Variants in GPATCH2 observed in about 807,000 individuals in gnomAD.
GPATCH2 encodes the protein G-patch domain containing 2, also known as G patch domain-containing protein 2.
GPATCH2 carries 51 observed loss-of-function variants against 58.0 expected under a neutral mutation model. That is an observed-to-expected ratio of 0.88 (90% CI 0.70 to 1.11). GPATCH2 has a LOEUF of 1.11. Ranked by LOEUF, GPATCH2 falls within the 50% of genes most tolerant of loss-of-function variation. The probability of loss-of-function intolerance (pLI) is 0.00; values close to 1 mark genes in which losing one functional copy is unlikely to be tolerated. For missense variants in GPATCH2, 625 were observed against 652.2 expected (o/e 0.96, Z 0.45); for synonymous variants, 222 against 218.5 (o/e 1.02, Z -0.14).
intron 5 of GPATCH2, among the ~76,000 whole-genome samples, chr1:217,519,699 G>A (rs1269018764): frequency 6.6e-6 from 1 of 152,106 alleles, no homozygotes; most frequent in Admixed American, 6.5e-5. Context: ...TGCATGCAAG[G>A]CTTTCCCTAA....
intron 5 of GPATCH2, among the ~76,000 whole-genome samples, chr1:217,530,664 T>C (rs1664141849): frequency 6.6e-6 from 1 of 152,180 alleles, no homozygotes; most frequent in African/African-American, 2.4e-5. Flanking sequence ...ATAATTTTTT[T>C]CTCGTGATTG....
chr1:217,631,019 C>G lies in GPATCH2; in HGVS notation c.-48G>C. The G allele has an allele frequency of 1.3e-6, 2 of 1,527,746 alleles. No individual in the cohort carries two copies. The highest frequency in any genetic ancestry group is 1.8e-6 in the Non-Finnish European group (2 of 1,129,574). The allele number at this position is 1,527,746 out of a possible 1,614,324, so 94.6% of individuals were successfully genotyped here. ...CTCGAAGCTCAGGCCCGTGAACAGA[C>G]TCCAACTACAACAGCACCGGCGACT... On this transcript the variant is annotated 5_prime_UTR_variant, in exon 1 of 10. Coordinates refer to ENST00000366935, the MANE Select transcript of GPATCH2 (RefSeq NM_018040.5).
chr1:217,561,852 G>A (rs541179771), intron 5 of GPATCH2, among the ~76,000 whole-genome samples: 3 of 152,122 alleles, frequency 2.0e-5, no homozygotes, highest in Admixed American at 6.5e-5. Flanking sequence ...GCTTCTGAAC[G>A]GACCCAAAGG....
At chr1:217,558,243 T>C (rs1162260458) in intron 5 of GPATCH2, among the ~76,000 whole-genome samples, 5 of 152,192 alleles carry the variant, frequency 3.3e-5, no homozygotes, top group Non-Finnish European at 7.3e-5. Context: ...ATAACCACTG[T>C]CCTGAAGGGT....
At chr1:217,562,892 T>C (rs1015278494) in intron 5 of GPATCH2, among the ~76,000 whole-genome samples, 3 of 152,254 alleles carry the variant, frequency 2.0e-5, no homozygotes, top group Non-Finnish European at 4.4e-5. Flanking sequence ...TACTCTTTTC[T>C]AGTAGTAAAC....
chr1:217,451,002 A>C (rs1659641306), intron 8 of GPATCH2, among the ~76,000 whole-genome samples: 1 of 152,170 alleles, frequency 6.6e-6, no homozygotes, highest in South Asian at 2.1e-4. Flanking sequence ...GAGGGGGAAA[A>C]GAGAAGATGG....
chr1:217,521,202 A>G (rs1025329426), intron 5 of GPATCH2, among the ~76,000 whole-genome samples: 1 of 152,176 alleles, frequency 6.6e-6, no homozygotes, highest in East Asian at 1.9e-4. Context: ...ATGTGCCTAG[A>G]GTGAAGAAAC....
At position 217,547,388 on chromosome 1, in the gene GPATCH2, T is replaced by C. The variant is rs183717913; in HGVS notation, c.1099-32499A>G. Among the ~76,000 whole-genome samples the C allele has an allele frequency of 8.7e-4, 129 of 148,846 alleles. 1 individual carries two copies. Among genetic ancestry groups the C allele is most frequent in the African/African-American group, 3.0e-3 (121 of 40,554 alleles). Reference sequence around the variant, plus strand: ...CAAAAAATAACAGACGCCGGCAAGGTTGTAAAGAAAAAGGAACACTTGTAC... The same window carrying C: ...CAAAAAATAACAGACGCCGGCAAGGCTGTAAAGAAAAAGGAACACTTGTAC... On this transcript the variant is annotated intron_variant, in intron 5 of 9. Transcript: ENST00000366935.
Position 217,619,766 on chromosome 1 carries a change from G to A in GPATCH2, c.773+17C>T, listed in dbSNP as rs1366379020. The A allele has an allele frequency of 2.0e-6, 2 of 1,022,816 alleles. No individual in the cohort carries two copies. The highest frequency in any genetic ancestry group is 2.5e-5 in the Admixed American group (1 of 39,874). The allele number at this position is 1,022,816 out of a possible 1,614,324, so 63.4% of individuals were successfully genotyped here. ...CTGGAGATAAATATTTTTATATTTA[G>A]AGAATATAAAAGTCACCTTTCACTC... On this transcript the variant is annotated intron_variant, in intron 2 of 9. Coordinates refer to ENST00000366935, the MANE Select transcript of GPATCH2 (RefSeq NM_018040.5).
intron 5 of GPATCH2, among the ~76,000 whole-genome samples, chr1:217,565,828 GC>G (rs1666198787): frequency 6.6e-6 from 1 of 152,198 alleles, no homozygotes; most frequent in East Asian, 1.9e-4. Flanking sequence ...TAGGCCAGGC[GC>G]AGTGGCTCAT....
At chr1:217,550,588 G>A (rs751684301) in intron 5 of GPATCH2, among the ~76,000 whole-genome samples, 37 of 151,284 alleles carry the variant, frequency 2.4e-4, no homozygotes, top group Non-Finnish European at 4.7e-4. Context: ...TTACCTAGTT[G>A]GTTTAAAAAA....
chr1:217,431,278 C>T lies in GPATCH2; in HGVS notation c.1454G>A (p.Gly485Asp), dbSNP rs765261606. Residue 485 changes from glycine (G) to aspartate (D), a missense_variant, in exon 10 of 10, where the codon GGC becomes GAC. Coordinates refer to ENST00000366935, the MANE Select transcript of GPATCH2 (RefSeq NM_018040.5). ...GATCCCCTTGCCATCTCGTCCAAGG[C>T]CTGACCCAGGCGTCCAGCCCATATT... is the stretch of plus-strand genomic sequence containing the variant. Reference protein sequence around the residue: ...LQNMGWTPGSGLGRDGKGISE... With the variant: ...LQNMGWTPGSDLGRDGKGISE... The T allele has an allele frequency of 6.2e-7, 1 of 1,606,274 alleles. No homozygotes were observed. The highest frequency in any genetic ancestry group is 8.5e-7 in the Non-Finnish European group (1 of 1,172,802).
intron 8 of GPATCH2, among the ~76,000 whole-genome samples, chr1:217,487,094 T>C (rs574127141): frequency 7.2e-5 from 11 of 152,326 alleles, no homozygotes; most frequent in Admixed American, 5.9e-4. Flanking sequence ...ATATTTTATT[T>C]TCCCTCAGCC....
At chr1:217,563,709 A>G (rs201477773) in intron 5 of GPATCH2, among the ~76,000 whole-genome samples, 2 of 152,184 alleles carry the variant, frequency 1.3e-5, no homozygotes, top group Non-Finnish European at 2.9e-5. Context: ...CTCTAACTAC[A>G]GTTATATAGA....
chr1:217,590,433 T>C (rs1388787345), intron 5 of GPATCH2, among the ~76,000 whole-genome samples: 1 of 152,184 alleles, frequency 6.6e-6, no homozygotes, highest in Non-Finnish European at 1.5e-5. Context: ...ATTTAGGTCA[T>C]CCACTTACCC....
At chr1:217,535,427 G>C (rs921590584) in intron 5 of GPATCH2, among the ~76,000 whole-genome samples, 3 of 152,128 alleles carry the variant, frequency 2.0e-5, no homozygotes, top group African/African-American at 7.2e-5. Context: ...CCAGCTCACT[G>C]CAAGTTCCGC....
chr1:217,581,705 C>A (rs921784285), intron 5 of GPATCH2, among the ~76,000 whole-genome samples: 1 of 152,182 alleles, frequency 6.6e-6, no homozygotes, highest in Non-Finnish European at 1.5e-5. Context: ...GTAATTCTAG[C>A]ACTTTGGGAG....
chr1:217,482,294 G>C (rs1661248522), intron 8 of GPATCH2, among the ~76,000 whole-genome samples: 1 of 152,192 alleles, frequency 6.6e-6, no homozygotes, highest in Non-Finnish European at 1.5e-5. Flanking sequence ...CAAAGACCAT[G>C]TATTCACGAA....
Position 217,451,905 on chromosome 1 carries a change from GT to G in GPATCH2, c.1278-2569del, listed in dbSNP as rs1238166565. On this transcript the variant is annotated intron_variant, in intron 8 of 9. Coordinates refer to ENST00000366935, the MANE Select transcript of GPATCH2 (RefSeq NM_018040.5). ...TACAGTTTAAGCCACTGCAGGTCAG[GT>G]TTTCTATACTTGCTGAACGAATTTC... Among the ~76,000 whole-genome samples the G allele has an allele frequency of 4.0e-5, 6 of 151,888 alleles. No homozygotes were observed. The East Asian group carries it at 1.2e-3, about 29-fold the overall frequency.
Sources: allele counts gnomAD v4.1 joint callset (sites outside exome capture counted in the v4.1 genomes callset), GRCh38; gene constraint gnomAD v4.1.1; transcripts MANE v1.5; gene names NCBI Gene and HGNC (gene_info 2026-07-23, HGNC 2026-07-21).